Variants in NOVA1 observed in about 807,000 individuals in gnomAD.
The protein encoded by NOVA1 is NOVA alternative splicing regulator 1.
Under a neutral mutation model 38.0 loss-of-function variants are expected in NOVA1, and 7 were observed. The observed-to-expected ratio is 0.18, with a 90% CI of 0.10 to 0.35. The LOEUF (loss-of-function observed/expected upper bound fraction) is 0.35. Among genes scored for constraint, NOVA1 ranks in the 10% least tolerant of loss-of-function variants. The pLI is 1.00. For synonymous variants in NOVA1, 270 were observed against 232.5 expected, an observed-to-expected ratio of 1.16 and a Z score of -1.47; for missense variants, 460 against 616.0, an observed-to-expected ratio of 0.75 and a Z score of 2.68.
chr14:26,473,487 A>C (rs1353779807), intron 3 of NOVA1, among the ~76,000 whole-genome samples: 1 of 151,992 alleles, frequency 6.6e-6, no homozygotes, highest in Non-Finnish European at 1.5e-5. Flanking sequence ...AATTACTCAG[A>C]TATGAGCAAA....
chr14:26,479,129 GAAT>G (rs1423168617), intron 3 of NOVA1: 2 of 151,754 alleles, frequency 1.3e-5, no homozygotes, highest in Non-Finnish European at 2.9e-5. Context: ...AATTACTGAA[GAAT>G]AATACATTTC....
In NOVA1 at chr14:26,597,028, C is replaced by T. The variant is rs540132092; in HGVS notation, c.136+273G>A. On this transcript the variant is annotated intron_variant, in intron 1 of 4. Transcript: ENST00000539517. ...ATATTTACATGGTCAACCTCTGGAC[C>T]GATTAAATGGAAAGATAGGTCTATT... 48 of 1,205,996 alleles carry T rather than the reference C, an allele frequency of 4.0e-5. No homozygotes were observed. In the East Asian group the frequency reaches 1.5e-3, roughly 37 times the overall value. The allele number at this position is 1,205,996 out of a possible 1,614,324, so 74.7% of individuals were successfully genotyped here.
intron 4 of NOVA1, among the ~76,000 whole-genome samples, chr14:26,454,322 G>A (rs1882978125): frequency 6.6e-6 from 1 of 152,264 alleles, no homozygotes. Context: ...AACCTTTACT[G>A]GTTTGGGTTT....
chr14:26,592,411 A>G (rs1364389999), intron 2 of NOVA1, among the ~76,000 whole-genome samples: 1 of 151,282 alleles, frequency 6.6e-6, no homozygotes, highest in Non-Finnish European at 1.5e-5. Flanking sequence ...AAAAAAAAAA[A>G]GGTATATTCC....
At chr14:26,528,447 T>C (rs1181390405) in intron 2 of NOVA1, among the ~76,000 whole-genome samples, 2 of 152,034 alleles carry the variant, frequency 1.3e-5, no homozygotes, top group African/African-American at 2.4e-5. Flanking sequence ...CCATATAGTA[T>C]GGGTAAGGTA....
At chr14:26,502,706 T>G (rs780775628) in intron 2 of NOVA1, among the ~76,000 whole-genome samples, 54 of 151,900 alleles carry the variant, frequency 3.6e-4, no homozygotes, top group Non-Finnish European at 6.9e-4. Flanking sequence ...GCAGCAAAGT[T>G]CAAACATAAA....
At chr14:26,484,087 TA>T (rs1885672652) in intron 2 of NOVA1, among the ~76,000 whole-genome samples, 1 of 151,402 alleles carries the variant, frequency 6.6e-6, no homozygotes, top group South Asian at 2.1e-4. Context: ...AAAAAATGAG[TA>T]AACTTTTTAG....
At chr14:26,549,330 A>C (rs8021954) in intron 2 of NOVA1, 1 of 82,656 alleles carries the variant, frequency 1.2e-5, no homozygotes, top group Admixed American at 2.0e-4. Context: ...TTGAATTACA[A>C]GTTTTTTTTT....
chr14:26,484,429 A>G (rs1345999575), intron 2 of NOVA1, among the ~76,000 whole-genome samples: 34 of 1,632 alleles, frequency 0.021, no homozygotes, highest in East Asian at 0.038. Flanking sequence ...CTCCGTCTCG[A>G]AAAAAAAAAA....
At chr14:26,454,392 A>C (rs1882985230) in intron 4 of NOVA1, among the ~76,000 whole-genome samples, 1 of 152,146 alleles carries the variant, frequency 6.6e-6, no homozygotes, top group Non-Finnish European at 1.5e-5. Flanking sequence ...TTGTCGATAA[A>C]GAGATATTTG....
chr14:26,527,513 A>T (rs1031670683), intron 2 of NOVA1, among the ~76,000 whole-genome samples: 2 of 142,584 alleles, frequency 1.4e-5, no homozygotes, highest in Admixed American at 7.1e-5. Context: ...ACAAACAAAT[A>T]AAAAAAAAAA....
chr14:26,548,103 C>A (rs56256284), intron 2 of NOVA1, among the ~76,000 whole-genome samples: 34,501 of 151,634 alleles, frequency 0.23, 4,364 homozygotes, highest in East Asian at 0.33. Flanking sequence ...AATTAAAAAT[C>A]TTTGTAGGAA....
intron 2 of NOVA1, among the ~76,000 whole-genome samples, chr14:26,513,612 A>T (rs1404239231): frequency 6.6e-6 from 1 of 151,782 alleles, no homozygotes; most frequent in African/African-American, 2.4e-5. Context: ...TAAAATTTTT[A>T]AAAATACAAT....
At chr14:26,573,895 T>G (rs1892645139) in intron 2 of NOVA1, among the ~76,000 whole-genome samples, 1 of 152,088 alleles carries the variant, frequency 6.6e-6, no homozygotes, top group East Asian at 1.9e-4. Flanking sequence ...TCAGTCTTTA[T>G]CTAAGGATGC....
intron 3 of NOVA1, among the ~76,000 whole-genome samples, chr14:26,475,229 G>A (rs1014682413): frequency 1.3e-5 from 2 of 151,398 alleles, no homozygotes; most frequent in Non-Finnish European, 2.9e-5. Context: ...ACAGGGTCTC[G>A]CTTTGTTGCC....
chr14:26,512,411 AG>A (rs1388397067), intron 2 of NOVA1, among the ~76,000 whole-genome samples: 1 of 152,196 alleles, frequency 6.6e-6, no homozygotes, highest in Non-Finnish European at 1.5e-5. Context: ...TAAAGGCTGC[AG>A]GCCAAATACA....
chr14:26,538,434 TA>T (rs1445808888), intron 2 of NOVA1, among the ~76,000 whole-genome samples: 1 of 152,172 alleles, frequency 6.6e-6, no homozygotes, highest in African/African-American at 2.4e-5. Flanking sequence ...ATGTGTAATT[TA>T]AAAAATTATA....
intron 4 of NOVA1, among the ~76,000 whole-genome samples, chr14:26,457,576 T>C (rs938616432): frequency 2.0e-4 from 31 of 152,146 alleles, no homozygotes; most frequent in African/African-American, 7.2e-4. Flanking sequence ...CTGCTAGTTG[T>C]ACACAAAGTA....
At chr14:26,578,410 C>T (rs1892998521) in intron 2 of NOVA1, among the ~76,000 whole-genome samples, 1 of 151,412 alleles carries the variant, frequency 6.6e-6, no homozygotes, top group African/African-American at 2.4e-5. Flanking sequence ...AAATAATTTC[C>T]AGTAGGGCAA....
Sources: gnomAD v4.1 joint callset for allele counts (sites outside exome capture counted in the v4.1 genomes callset) on GRCh38, gnomAD v4.1.1 for gene constraint, MANE v1.5 for transcripts, NCBI Gene and HGNC (gene_info 2026-07-23, HGNC 2026-07-21) for gene names.